TBL1X: variants seen among roughly 807,000 people sequenced by gnomAD.
TBL1X encodes F-box-like/WD repeat-containing protein TBL1X.
In TBL1X, 10 loss-of-function variants were observed where a neutral mutation model predicts 50.7. The observed-to-expected ratio is 0.20, with a 90% confidence interval of 0.12 to 0.33. The LOEUF is 0.33. Among genes scored for constraint, TBL1X ranks in the 10% least tolerant of loss-of-function variants. The pLI, the probability that TBL1X is intolerant of heterozygous loss-of-function variation, is 1.00. For missense variants in TBL1X, 340 were observed against 504.4 expected (o/e 0.67, Z 3.12); for synonymous variants, 190 against 214.7 (o/e 0.88, Z 1.01).
intron 2 of TBL1X, among the ~76,000 whole-genome samples, chrX:9,625,776 A>G (rs2082689252): frequency 9.0e-6 from 1 of 111,625 alleles, no homozygotes; most frequent in South Asian, 3.8e-4. Context: ...CGTCTCTACT[A>G]AAAATACAAA....
rs193225965 is a variant in TBL1X at position 9,538,571 on chromosome X, T to A, written c.-131+36722T>A. Among the ~76,000 whole-genome samples, 14 of 112,577 alleles carry A rather than the reference T, an allele frequency of 1.2e-4. No homozygotes were observed. The East Asian group carries it at 3.6e-3, about 29-fold the overall frequency. On this transcript the variant is annotated intron_variant, in intron 2 of 17. Coordinates refer to ENST00000645353, the MANE Select transcript of TBL1X (RefSeq NM_005647.4). ...TTAGACTGTACGTCCTTCAGATATC[T>A]TCTCTTTGGTGCTTTGTTTGGGAAC...
intron 5 of TBL1X, among the ~76,000 whole-genome samples, chrX:9,670,283 C>T (rs535786302): frequency 9.9e-5 from 11 of 110,724 alleles, no homozygotes; most frequent in Middle Eastern, 4.6e-3. Context: ...GTCCTGTGGC[C>T]CCCCCTACTG....
intron 5 of TBL1X, among the ~76,000 whole-genome samples, chrX:9,656,311 A>G (rs2082864743): frequency 8.9e-6 from 1 of 112,485 alleles, no homozygotes; most frequent in African/African-American, 3.2e-5. Context: ...GCACAAGGAC[A>G]CGATGAAGGC....
At chrX:9,637,285 C>T in intron 2 of TBL1X, 1 of 111,859 alleles carries the variant, frequency 8.9e-6, no homozygotes, top group Non-Finnish European at 1.9e-5. Flanking sequence ...GTAAAAATAA[C>T]TCCACAGGAA....
At chrX:9,565,203 T>C (rs746831421) in intron 2 of TBL1X, among the ~76,000 whole-genome samples, 84 of 91,697 alleles carry the variant, frequency 9.2e-4, no homozygotes, top group Middle Eastern at 6.8e-3. Context: ...ACCCGGGAGG[T>C]GGAGCTTGCA....
intron 2 of TBL1X, among the ~76,000 whole-genome samples, chrX:9,530,635 CAT>C (rs753396175): frequency 1.8e-3 from 206 of 112,369 alleles, no homozygotes; most frequent in African/African-American, 5.8e-3. Context: ...AAAATATTTA[CAT>C]GTTTCTTTTA....
intron 2 of TBL1X, among the ~76,000 whole-genome samples, chrX:9,600,731 G>A (rs1182652835): frequency 9.0e-6 from 1 of 111,668 alleles, no homozygotes; most frequent in East Asian, 2.8e-4. Context: ...AACAATAAAT[G>A]AAAGTTTTGT....
intron 2 of TBL1X, among the ~76,000 whole-genome samples, chrX:9,547,755 T>G (rs778726884): frequency 4.0e-4 from 43 of 107,635 alleles, no homozygotes; most frequent in African/African-American, 1.5e-3. Flanking sequence ...AACCAGGAAC[T>G]GAGAACTGAG....
intron 5 of TBL1X, among the ~76,000 whole-genome samples, chrX:9,671,330 C>T (rs2082959177): frequency 8.9e-6 from 1 of 112,812 alleles, no homozygotes; most frequent in Admixed American, 9.3e-5. Flanking sequence ...TGGCCATGTG[C>T]GGGAGAGTGG....
intron 2 of TBL1X, among the ~76,000 whole-genome samples, chrX:9,506,477 C>CA (rs1249087584): frequency 9.0e-6 from 1 of 110,981 alleles, no homozygotes; most frequent in African/African-American, 3.3e-5. Flanking sequence ...GATAGAGACG[C>CA]AAAAAAGCCC....
chrX:9,480,241 A>G (rs553780554), intron 1 of TBL1X, among the ~76,000 whole-genome samples: 3 of 112,217 alleles, frequency 2.7e-5, no homozygotes, highest in South Asian at 7.3e-4. Context: ...GGCGTGAGCC[A>G]CTGCACCTGG....
chrX:9,668,982 T>TA (rs1307461374), intron 5 of TBL1X, among the ~76,000 whole-genome samples: 1 of 111,995 alleles, frequency 8.9e-6, no homozygotes, highest in Non-Finnish European at 1.9e-5. Context: ...GACTAAGACT[T>TA]ATTTTGCAAG....
At chrX:9,516,042 T>C (rs1415943716) in intron 2 of TBL1X, among the ~76,000 whole-genome samples, 1 of 111,367 alleles carries the variant, frequency 9.0e-6, no homozygotes, top group Non-Finnish European at 1.9e-5. Context: ...GGACCACTGT[T>C]TTTGTACATG....
chrX:9,467,986 C>T (rs1484212411), intron 1 of TBL1X, among the ~76,000 whole-genome samples: 1 of 112,570 alleles, frequency 8.9e-6, no homozygotes, highest in Non-Finnish European at 1.9e-5. Flanking sequence ...CCCAAGCTGG[C>T]CCCCTCCCAC....
At position 9,693,046 on chromosome X, in the gene TBL1X, A is replaced by G. The variant is rs1601843872; in HGVS notation, c.892-103A>G. On this transcript the variant is annotated intron_variant, in intron 9 of 17. Coordinates refer to ENST00000645353, the MANE Select transcript of TBL1X (RefSeq NM_005647.4). ...GTCATTAAAGAACACGCAGTGGCAA[A>G]TGGTTCCAGTGTACCTGGATCCTCG... is the stretch of plus-strand genomic sequence containing the variant. 3 of 810,091 alleles carry G rather than the reference A, an allele frequency of 3.7e-6. No homozygotes were observed. In the East Asian group the frequency reaches 9.4e-5, roughly 25 times the overall value. The allele number at this position is 810,091 out of a possible 1,213,427, so 66.8% of individuals were successfully genotyped here. A position where few individuals can be genotyped will look rare whatever the true frequency, so the allele number is the denominator to read the frequency against.
intron 11 of TBL1X, 37 bp from the exon 12 acceptor site, chrX:9,697,332 A>AT (rs1402701827): frequency 1.3e-5 from 16 of 1,202,003 alleles, no homozygotes; most frequent in Non-Finnish European, 1.7e-5. Flanking sequence ...CTTTGCCAGA[A>AT]TAGTTACTAA....
intron 6 of TBL1X, among the ~76,000 whole-genome samples, chrX:9,687,687 G>T (rs774461601): frequency 1.6e-5 from 1 of 63,966 alleles, no homozygotes; most frequent in Non-Finnish European, 3.0e-5. Context: ...CCCCGCCCCC[G>T]CCACGTTGAG....
intron 2 of TBL1X, among the ~76,000 whole-genome samples, chrX:9,632,169 T>C (rs1004168073): frequency 7.1e-5 from 8 of 112,200 alleles, no homozygotes; most frequent in Non-Finnish European, 1.1e-4. Flanking sequence ...GTTGGGGTTT[T>C]CTATGCTGTT....
intron 2 of TBL1X, among the ~76,000 whole-genome samples, chrX:9,518,543 T>C (rs2082091947): frequency 8.9e-6 from 1 of 112,074 alleles, no homozygotes; most frequent in Non-Finnish European, 1.9e-5. Context: ...TATCAGTTAT[T>C]TATACCTCAG....
Sources: gnomAD v4.1 joint callset for allele counts (sites outside exome capture counted in the v4.1 genomes callset) on GRCh38, gnomAD v4.1.1 for gene constraint, MANE v1.5 for transcripts, NCBI Gene and HGNC (gene_info 2026-07-23, HGNC 2026-07-21) for gene names.